The following AKAP6 variants were observed in gnomAD, a reference collection of about 807,000 sequenced individuals.
The protein encoded by AKAP6 is A-kinase anchor protein 6.
In AKAP6, 58 loss-of-function variants were observed where a neutral mutation model predicts 188.5. The ratio of observed to expected loss-of-function variants is 0.31; its 90% CI spans 0.25 to 0.38. The LOEUF (loss-of-function observed/expected upper bound fraction) is 0.38, where lower values mean the gene tolerates loss of function less well. Among genes scored for constraint, AKAP6 ranks in the 10% least tolerant of loss-of-function variants. The pLI is 1.00. For missense variants in AKAP6, 2,710 were observed against 2,740.0 expected (o/e 0.99, Z 0.24); for synonymous variants, 989 against 998.6 (o/e 0.99, Z 0.18).
At position 32,579,676 on chromosome 14, in the gene AKAP6, T is replaced by G. The variant is rs377285303; in HGVS notation, c.2469+2434T>G. 8.5e-5 allele frequency among the ~76,000 whole-genome samples: 13 copies of G among 152,112 alleles called. No individual in the cohort carries two copies. The East Asian group carries it at 2.5e-3, about 29-fold the overall frequency. ...AACATCTTTCAATCAAATTCTTAGT[T>G]TTCCTGTTTCCATATGAGTCTATAT... On this transcript the variant is annotated intron_variant, in intron 5 of 13. Coordinates refer to ENST00000280979, the MANE Select transcript of AKAP6 (RefSeq NM_004274.5).
At chr14:32,640,574 A>G (rs1203276875) in intron 7 of AKAP6, among the ~76,000 whole-genome samples, 1 of 152,200 alleles carries the variant, frequency 6.6e-6, no homozygotes, top group African/African-American at 2.4e-5. Context: ...CACCTGTTGT[A>G]ATCAATTCTT....
chr14:32,655,504 G>A (rs1888417995), intron 7 of AKAP6, among the ~76,000 whole-genome samples: 1 of 152,300 alleles, frequency 6.6e-6, no homozygotes, highest in Non-Finnish European at 1.5e-5. Context: ...TCATAATTTA[G>A]TTGGGAAGCT....
At chr14:32,475,897 A>T (rs1269172621) in intron 2 of AKAP6, among the ~76,000 whole-genome samples, 1 of 151,494 alleles carries the variant, frequency 6.6e-6, no homozygotes, top group Non-Finnish European at 1.5e-5. Flanking sequence ...GTTAGCCAGG[A>T]TGGTCTCGAT....
rs147698828 is a variant in AKAP6 at position 32,817,837 on chromosome 14, T to C, written c.3589-3565T>C. ...ATTAGCTTGAGCATTATTGGTTGTG[T>C]TGGGCTATCATCAAAGAGAGCATTC... is the stretch of plus-strand genomic sequence containing the variant. On this transcript the variant is annotated intron_variant, in intron 12 of 13. Transcript: ENST00000280979. Among the ~76,000 whole-genome samples the C allele has an allele frequency of 8.5e-4, 130 of 152,322 alleles. 2 individuals are homozygous for C. The Middle Eastern group carries it at 0.037, about 44-fold the overall frequency.
intron 2 of AKAP6, among the ~76,000 whole-genome samples, chr14:32,500,204 A>G (rs554582527): frequency 6.6e-6 from 1 of 152,290 alleles, no homozygotes; most frequent in East Asian, 1.9e-4. Flanking sequence ...ATCAGCAGGA[A>G]ATATAAACAG....
At chr14:32,769,172 C>T (rs1411916082) in intron 11 of AKAP6, among the ~76,000 whole-genome samples, 1 of 150,378 alleles carries the variant, frequency 6.6e-6, no homozygotes, top group South Asian at 2.1e-4. Flanking sequence ...CTCAGCCTCC[C>T]GAGTAGCTGG....
intron 7 of AKAP6, among the ~76,000 whole-genome samples, chr14:32,649,097 T>G (rs1433404676): frequency 2.0e-5 from 3 of 152,138 alleles, no homozygotes; most frequent in African/African-American, 7.2e-5. Context: ...TCGGGTCTCA[T>G]AGAGATTCAA....
At chr14:32,778,325 G>A (rs752755178) in intron 12 of AKAP6, among the ~76,000 whole-genome samples, 51 of 152,070 alleles carry the variant, frequency 3.4e-4, no homozygotes, top group Admixed American at 1.3e-4. Context: ...TCTTTAAGTG[G>A]TAATAGACTG....
chr14:32,764,595 A>G (rs1212211494), intron 11 of AKAP6, among the ~76,000 whole-genome samples: 2 of 152,104 alleles, frequency 1.3e-5, no homozygotes, highest in African/African-American at 2.4e-5. Flanking sequence ...CCTGGGTTAA[A>G]ATCCTGCCTT....
At chr14:32,616,799 C>A (rs1413648342) in intron 7 of AKAP6, among the ~76,000 whole-genome samples, 1 of 152,132 alleles carries the variant, frequency 6.6e-6, no homozygotes, top group Non-Finnish European at 1.5e-5. Context: ...TACTTATAAG[C>A]CCAACATATA....
At chr14:32,506,694 G>A (rs565828247) in intron 2 of AKAP6, among the ~76,000 whole-genome samples, 3 of 151,802 alleles carry the variant, frequency 2.0e-5, no homozygotes, top group South Asian at 4.2e-4. Flanking sequence ...TACCACACCC[G>A]GCTAATTTTT....
chr14:32,635,967 G>T (rs980013771), intron 7 of AKAP6, among the ~76,000 whole-genome samples: 3 of 152,042 alleles, frequency 2.0e-5, no homozygotes, highest in Non-Finnish European at 4.4e-5. Context: ...TCAAGAGACT[G>T]AAATCCACTA....
At chr14:32,542,428 T>C (rs1882999137) in intron 3 of AKAP6, among the ~76,000 whole-genome samples, 2 of 152,336 alleles carry the variant, frequency 1.3e-5, no homozygotes, top group South Asian at 2.1e-4. Flanking sequence ...TCATAGTACT[T>C]ACAAACTAGT....
chr14:32,435,455 C>T (rs987671225), intron 2 of AKAP6, among the ~76,000 whole-genome samples: 2 of 152,150 alleles, frequency 1.3e-5, no homozygotes, highest in South Asian at 2.1e-4. Flanking sequence ...AGTTTTTGTA[C>T]AATTAACATA....
intron 8 of AKAP6, among the ~76,000 whole-genome samples, chr14:32,692,381 AT>A (rs1211698574): frequency 6.6e-6 from 1 of 152,196 alleles, no homozygotes; most frequent in Non-Finnish European, 1.5e-5. Context: ...CTATTCATTA[AT>A]AATTTTCATG....
intron 2 of AKAP6, among the ~76,000 whole-genome samples, chr14:32,443,433 A>C (rs11628453): frequency 0.73 from 110,021 of 151,438 alleles, 40,965 homozygotes; most frequent in African/African-American, 0.88. Context: ...AAACAAAAAA[A>C]CCCCACACAA....
intron 9 of AKAP6, among the ~76,000 whole-genome samples, chr14:32,700,862 A>G (rs555797596): frequency 6.6e-6 from 1 of 152,322 alleles, no homozygotes; most frequent in African/African-American, 2.4e-5. Context: ...GCAGGGATAT[A>G]CATTTCTCAG....
At chr14:32,620,329 G>A (rs1004701811) in intron 7 of AKAP6, among the ~76,000 whole-genome samples, 9 of 152,024 alleles carry the variant, frequency 5.9e-5, no homozygotes, top group Non-Finnish European at 1.3e-4. Flanking sequence ...GTTATTCTGC[G>A]ACATGTTCCT....
At chr14:32,731,110 C>T (rs2031153696) in intron 9 of AKAP6, among the ~76,000 whole-genome samples, 1 of 152,140 alleles carries the variant, frequency 6.6e-6, no homozygotes, top group Admixed American at 6.6e-5. Flanking sequence ...TTTAAATCAC[C>T]TCATTTAAAA....
Sources: allele counts gnomAD v4.1 joint callset (sites outside exome capture counted in the v4.1 genomes callset), GRCh38; gene constraint gnomAD v4.1.1; transcripts MANE v1.5; gene names NCBI Gene and HGNC (gene_info 2026-07-23, HGNC 2026-07-21).